Variants in SLC13A4 observed in about 807,000 individuals in gnomAD.
SLC13A4 encodes solute carrier family 13 member 4, also known as Na(+)/sulfate cotransporter SUT-1.
In SLC13A4, 28 loss-of-function variants were observed where a neutral mutation model predicts 72.7. The observed-to-expected ratio is 0.39, with a 90% confidence interval of 0.29 to 0.53. SLC13A4 has a LOEUF of 0.53. SLC13A4 is among the 20% of genes least tolerant of loss of function. The pLI, the probability that SLC13A4 is intolerant of heterozygous loss-of-function variation, is 0.78. For missense variants in SLC13A4, 653 were observed against 788.0 expected (o/e 0.83, Z 2.05); for synonymous variants, 312 against 325.5 (o/e 0.96, Z 0.45).
In SLC13A4 at chr7:135,681,598, A is replaced by G. The variant is rs1795502980; in HGVS notation, c.1849T>C (p.Trp617Arg). 2.5e-6 allele frequency: 4 copies of G among 1,613,996 alleles called. No homozygotes were observed. Among genetic ancestry groups the G allele is most frequent in the Non-Finnish European group, 3.4e-6 (4 of 1,179,996 alleles). Reference protein sequence around the residue: ...SLFHLDTYPAWARVSNITDQA With the variant: ...SLFHLDTYPARARVSNITDQA ...TCAGTGATGTTGCTGACCCTCGCCC[A>G]TGCTGGGTAAGTGTCCAGGTGGAAG... The change falls in exon 16 of 16, where the codon TGG becomes CGG. Residue 617 changes from tryptophan (W) to arginine (R), a missense_variant. By Grantham distance (101) the Trp-to-Arg change is moderately radical. Coordinates refer to ENST00000682651, the MANE Select transcript of SLC13A4 (RefSeq NM_001318192.2).
intron 10 of SLC13A4, chr7:135,692,794 A>G (rs1462599509): frequency 1.6e-5 from 3 of 191,282 alleles, no homozygotes; most frequent in East Asian, 3.3e-4. Flanking sequence ...GATACACATT[A>G]GAAGCCTTAA....
At chr7:135,683,836 C>T (rs1795560499) in intron 15 of SLC13A4, 1 of 951,664 alleles carries the variant, frequency 1.1e-6, no homozygotes, top group Non-Finnish European at 1.3e-6. Context: ...CTTGTTTGCA[C>T]AGGCTCATGC....
rs571617885 is a variant in SLC13A4, at chr7:135,713,801, G to A, written c.229-5551C>T. ...CATGTTGGCCAGGCTGGTCTTCAAC[G>A]CCTGACCTTGTGATCCTCCCACCTT... On this transcript the variant is annotated intron_variant, in intron 2 of 15. Coordinates refer to ENST00000682651, the MANE Select transcript of SLC13A4 (RefSeq NM_001318192.2). 4.6e-5 allele frequency among the ~76,000 whole-genome samples: 7 copies of A among 152,268 alleles called. No homozygotes were observed. The East Asian group carries it at 1.2e-3, about 25-fold the overall frequency.
At chr7:135,683,327 A>AAT in intron 15 of SLC13A4, 12 of 520,428 alleles carry the variant, frequency 2.3e-5, no homozygotes, top group Non-Finnish European at 2.9e-5. Context: ...AAAAAAAAGG[A>AAT]TAAAAAAGGA....
At chr7:135,710,253 A>G (rs73454419) in intron 2 of SLC13A4, among the ~76,000 whole-genome samples, 2,111 of 152,304 alleles carry the variant, frequency 0.014, 50 homozygotes, top group African/African-American at 0.048. Context: ...ATTAACAAAA[A>G]TTGTGATTGA....
intron 6 of SLC13A4, 80 bp from the exon 7 acceptor site, chr7:135,701,840 C>T (rs990273509): frequency 7.3e-7 from 1 of 1,362,868 alleles, no homozygotes; most frequent in African/African-American, 1.4e-5. Flanking sequence ...CCTAGTCATC[C>T]CAGGGCCACC....
intron 14 of SLC13A4, 111 bp downstream of exon 14, chr7:135,685,411 G>T: frequency 1.2e-6 from 1 of 861,470 alleles, no homozygotes; most frequent in East Asian, 2.5e-5. Context: ...GAAGGCTGTG[G>T]GCAGTAACCA....
In SLC13A4 at chr7:135,691,316, T is replaced by G; in HGVS notation, c.1331A>C (p.Gln444Pro). Residue 444 changes from glutamine (Q) to proline (P), a missense_variant, in exon 13 of 16, where the codon CAG (glutamine) becomes CCG (proline). Gln to Pro is a moderately conservative substitution (Grantham distance 76, BLOSUM62 -1). Transcript: ENST00000682651. ...CFGKKNDGEN[Q>P]EHSLGTEPII... ...GGGCTCGGTCCCCAGTGAGTGCTCC[T>G]GGTTCTCTCCTGGATTAGAGAGAGA... is the stretch of plus-strand genomic sequence containing the variant. 1 of 1,613,194 alleles carries G rather than the reference T, an allele frequency of 6.2e-7. No individual in the cohort carries two copies.
chr7:135,722,264 GCAAA>G (rs1477644128), intron 1 of SLC13A4, among the ~76,000 whole-genome samples: 2 of 130,820 alleles, frequency 1.5e-5, no homozygotes, highest in Non-Finnish European at 3.4e-5. Context: ...AAAAAAACAA[GCAAA>G]CAAACAAAAA....
chr7:135,706,031 G>A (rs1796152646), intron 4 of SLC13A4, 97 bp downstream of exon 4: 2 of 1,225,804 alleles, frequency 1.6e-6, no homozygotes, highest in Non-Finnish European at 1.1e-6. Flanking sequence ...GTCCTGGGGT[G>A]GGCACAAAGT....
chr7:135,696,152 C>T (rs902413481), intron 8 of SLC13A4, among the ~76,000 whole-genome samples: 3 of 151,988 alleles, frequency 2.0e-5, no homozygotes, highest in Non-Finnish European at 4.4e-5. Flanking sequence ...GCCTAAATGA[C>T]CTATGCTGTG....
chr7:135,721,656 A>G, intron 1 of SLC13A4, 133 bp from the exon 2 acceptor site: 11 of 1,105,754 alleles, frequency 9.9e-6, no homozygotes, highest in Non-Finnish European at 1.3e-5. Context: ...AGGGACCGAA[A>G]CCGAACTGGC....
chr7:135,694,113 G>A, intron 10 of SLC13A4, 24 bp downstream of exon 10: 3 of 1,380,854 alleles, frequency 2.2e-6, no homozygotes, highest in East Asian at 2.3e-5. Flanking sequence ...GGAGAAGGAG[G>A]GAAGAGGAAT....
intron 15 of SLC13A4, among the ~76,000 whole-genome samples, chr7:135,681,927 T>G (rs1174620994): frequency 6.6e-6 from 1 of 152,170 alleles, no homozygotes; most frequent in Non-Finnish European, 1.5e-5. Context: ...TCACTAGATT[T>G]CAAGTGGAAG....
In SLC13A4 at chr7:135,727,680, G is replaced by T; in HGVS notation, c.-184C>A. 1.6e-6 allele frequency: 1 copy of T among 641,310 alleles called. No individual in the cohort carries two copies. The highest frequency in any genetic ancestry group is 2.9e-5 in the East Asian group (1 of 34,162). 39.7% of individuals were successfully genotyped at this position (641,310 alleles called of 1,614,324 possible). ...CCTCGCTGTTTCTACAAGAGGCTGG[G>T]CTCCTGGCCTCCTGCTTTAGGTGGG... On this transcript the variant is annotated 5_prime_UTR_variant, in exon 1 of 16. Coordinates refer to ENST00000682651, the MANE Select transcript of SLC13A4 (RefSeq NM_001318192.2).
intron 6 of SLC13A4, 198 bp from the exon 7 acceptor site, chr7:135,701,958 T>C (rs1233346511): frequency 7.8e-6 from 4 of 512,228 alleles, no homozygotes; most frequent in South Asian, 3.1e-5. Flanking sequence ...AGTTCTCCAC[T>C]TGAAGAGGCT....
intron 13 of SLC13A4, 40 bp downstream of exon 13, chr7:135,691,161 C>G (rs1361758327): frequency 1.7e-6 from 2 of 1,183,732 alleles, no homozygotes; most frequent in African/African-American, 1.6e-5. Flanking sequence ...AAGACTGTCT[C>G]AAAAAAAAAA....
At chr7:135,683,728 CT>C in intron 15 of SLC13A4, 1 of 985,390 alleles carries the variant, frequency 1.0e-6, no homozygotes, top group Non-Finnish European at 1.2e-6. Flanking sequence ...ACCTTTCACC[CT>C]AGGTTCATAC....
chr7:135,708,347 C>T, intron 2 of SLC13A4, 97 bp from the exon 3 acceptor site: 2 of 1,523,378 alleles, frequency 1.3e-6, no homozygotes, highest in South Asian at 1.2e-5. Flanking sequence ...AAAACCTGTT[C>T]TCAATCAAAG....
Sources: allele counts gnomAD v4.1 joint callset (sites outside exome capture counted in the v4.1 genomes callset), GRCh38; gene constraint gnomAD v4.1.1; transcripts MANE v1.5; gene names NCBI Gene and HGNC (gene_info 2026-07-23, HGNC 2026-07-21).